Variants in SHISAL2A observed in about 807,000 individuals in gnomAD.
The protein encoded by SHISAL2A is shisa like 2A.
A neutral mutation model predicts 11.5 loss-of-function variants in SHISAL2A; 18 were observed. The observed-to-expected ratio is 1.57, with a 90% CI of 1.08 to 2.33. SHISAL2A has a LOEUF of 2.33. Ranked by LOEUF, SHISAL2A falls within the 30% of genes most tolerant of loss-of-function variation. The pLI is 0.00. For synonymous variants in SHISAL2A, 94 were observed against 99.6 expected (o/e 0.94, Z 0.34); for missense variants, 261 against 250.9 (o/e 1.04, Z -0.27).
chr1:52,640,823 G>A (rs1301309586), intron 1 of SHISAL2A, among the ~76,000 whole-genome samples: 1 of 152,138 alleles, frequency 6.6e-6, no homozygotes, highest in Non-Finnish European at 1.5e-5. Flanking sequence ...ATGACTCATG[G>A]TGGGCTCCTG....
rs1034675448 is a variant in SHISAL2A at position 52,633,193 on chromosome 1, G to T, written c.-301G>T. 1.3e-5 allele frequency among the ~76,000 whole-genome samples: 2 copies of T among 152,026 alleles called. No homozygotes were observed. Among genetic ancestry groups the T allele is most frequent in the African/African-American group, 4.8e-5 (2 of 41,420 alleles). ...AGAGCCAGGCGAGCACGCGGCTCCC[G>T]GCCCAGCTCCCCGCGTCCGCTCCGG... is the stretch of plus-strand genomic sequence containing the variant. On this transcript the variant is annotated 5_prime_UTR_variant, in exon 1 of 3. Coordinates refer to ENST00000517870, the MANE Select transcript of SHISAL2A (RefSeq NM_001042693.3). This position sits in a 1 kb window ranked among gnomAD's most constrained non-coding sequence, Gnocchi z 6.4.
intron 2 of SHISAL2A, among the ~76,000 whole-genome samples, chr1:52,646,492 TACACACACACAC>T (rs35929137): frequency 0.013 from 1,876 of 145,364 alleles, 43 homozygotes; most frequent in African/African-American, 0.046. Context: ...TAAATATCTA[TACACACACACAC>T]ACACACACAC....
rs1020332210 is a variant in SHISAL2A at position 52,667,316 on chromosome 1, C to T, written n.696-83C>T. The T allele has an allele frequency of 7.5e-6, 5 of 667,764 alleles. No individual in the cohort carries two copies. The Admixed American group carries it at 1.9e-4, about 25-fold the overall frequency. The allele number at this position is 667,764 out of a possible 1,614,324, so 41.4% of individuals were successfully genotyped here. ...CACGAGTTCATTCCTCTTTTCCCCT[C>T]AGTAATAGCTCTTGCTGGGAATGTT... On this transcript the variant is annotated intron_variant and non_coding_transcript_variant, in intron 4 of 5. Coordinates refer to the SHISAL2A transcript ENST00000401050.
chr1:52,663,389 C>G (rs987560662), intron 4 of SHISAL2A, among the ~76,000 whole-genome samples: 1 of 152,216 alleles, frequency 6.6e-6, no homozygotes, highest in Admixed American at 6.5e-5. Context: ...TCATTATGCG[C>G]TCCTATCCAC....
intron 2 of SHISAL2A, among the ~76,000 whole-genome samples, chr1:52,643,891 AG>A (rs1691431528): frequency 1.5e-5 from 2 of 137,604 alleles, no homozygotes; most frequent in African/African-American, 5.2e-5. Flanking sequence ...AGAGAGAGAG[AG>A]AGGGAGGGAG....
chr1:52,646,121 T>A (rs1416691184), intron 2 of SHISAL2A, among the ~76,000 whole-genome samples: 2 of 152,218 alleles, frequency 1.3e-5, no homozygotes, highest in Non-Finnish European at 2.9e-5. Context: ...TGTAAACATT[T>A]TTGGTTGTCA....
chr1:52,661,824 G>A (rs924971292), downstream of SHISAL2A, among the ~76,000 whole-genome samples: 4 of 152,150 alleles, frequency 2.6e-5, no homozygotes, highest in African/African-American at 9.7e-5. Flanking sequence ...CTGAGGTCAG[G>A]AGTTCCAGAC....
chr1:52,658,897 A>T (rs1037503057), downstream of SHISAL2A, among the ~76,000 whole-genome samples: 1 of 152,170 alleles, frequency 6.6e-6, no homozygotes, highest in Non-Finnish European at 1.5e-5. Flanking sequence ...ACTCTTAGAT[A>T]CCTGTGCCTG....
Position 52,652,640 on chromosome 1 carries a change from T to C in SHISAL2A, c.323-4150T>C, listed in dbSNP as rs138668108. Among the ~76,000 whole-genome samples the C allele has an allele frequency of 2.0e-3, 301 of 152,134 alleles. 1 individual carries two copies. Among genetic ancestry groups the C allele is most frequent in the African/African-American group, 7.0e-3 (291 of 41,506 alleles). Reference sequence around the variant, plus strand: ...AAATAACAAAGAATCCCAAGGAGTCTATAAAACGTGCACAAAATAACCTGT... The same window carrying C: ...AAATAACAAAGAATCCCAAGGAGTCCATAAAACGTGCACAAAATAACCTGT... On this transcript the variant is annotated intron_variant, in intron 2 of 2. Coordinates refer to ENST00000517870, the MANE Select transcript of SHISAL2A (RefSeq NM_001042693.3).
At position 52,656,788 on chromosome 1, in the gene SHISAL2A, A is replaced by G; in HGVS notation, c.323-2A>G. On this transcript the variant is annotated splice_acceptor_variant, in intron 2 of 2. Transcript: ENST00000517870. LOFTEE classifies it high-confidence loss of function. The stretch of plus-strand genomic sequence containing the variant: ...ACACACCCTCAGTTTGCTGTTTTCC[A>G]GGCCCTGAGGAGGTTTCTCCTGACT... 1.3e-6 allele frequency: 2 copies of G among 1,599,620 alleles called. No individual in the cohort carries two copies. Among genetic ancestry groups the G allele is most frequent in the Non-Finnish European group, 1.7e-6 (2 of 1,171,210 alleles).
chr1:52,660,330 G>A (rs960307750), downstream of SHISAL2A, among the ~76,000 whole-genome samples: 3 of 152,056 alleles, frequency 2.0e-5, no homozygotes, highest in Non-Finnish European at 2.9e-5. Flanking sequence ...CCCCCCAACA[G>A]CTCCTCTCCT....
At chr1:52,667,141 G>C (rs78014985) in intron 4 of SHISAL2A, among the ~76,000 whole-genome samples, 2,174 of 152,302 alleles carry the variant, frequency 0.014, 27 homozygotes, top group Middle Eastern at 0.041. Flanking sequence ...TCCACTATAG[G>C]CTTCACCAAT....
Position 52,650,737 on chromosome 1 carries a change from C to T in SHISAL2A, c.323-6053C>T, listed in dbSNP as rs562451725. On this transcript the variant is annotated intron_variant, in intron 2 of 2. Coordinates refer to ENST00000517870, the MANE Select transcript of SHISAL2A (RefSeq NM_001042693.3). ...TTGGCTCACTGCAACCTTCGCCTCC[C>T]GGGTTCAAGCAATTCTCCTGCCTCA... Among the ~76,000 whole-genome samples the T allele has an allele frequency of 3.3e-5, 5 of 150,530 alleles. No individual in the cohort carries two copies. In the South Asian group the frequency reaches 6.4e-4, roughly 19 times the overall value.
chr1:52,659,728 G>A (rs911325370), downstream of SHISAL2A: 3 of 152,246 alleles, frequency 2.0e-5, no homozygotes, highest in African/African-American at 7.2e-5. Flanking sequence ...GGTGATATTG[G>A]GATGTTTAGT....
At chr1:52,651,473 G>A (rs1013331451) in intron 2 of SHISAL2A, among the ~76,000 whole-genome samples, 32 of 151,842 alleles carry the variant, frequency 2.1e-4, no homozygotes, top group Admixed American at 1.0e-3. Flanking sequence ...TCCTGACCTC[G>A]TGATCCACCC....
chr1:52,644,616 C>T (rs1231314822), intron 2 of SHISAL2A, among the ~76,000 whole-genome samples: 3 of 152,076 alleles, frequency 2.0e-5, no homozygotes, highest in African/African-American at 4.8e-5. Context: ...CCCAGCTACT[C>T]GGGAGGCTGA....
At chr1:52,652,738 G>A (rs1402280136) in intron 2 of SHISAL2A, among the ~76,000 whole-genome samples, 1 of 151,954 alleles carries the variant, frequency 6.6e-6, no homozygotes, top group African/African-American at 2.4e-5. Context: ...GGCCCAGGAG[G>A]GTGGATCATG....
chr1:52,659,426 G>T, downstream of SHISAL2A: 1 of 153,242 alleles, frequency 6.5e-6, no homozygotes, highest in Non-Finnish European at 1.5e-5. Flanking sequence ...CCACAAACAA[G>T]AGGAATCAGA....
chr1:52,663,149 C>T (rs1032376178), intron 4 of SHISAL2A, among the ~76,000 whole-genome samples: 2 of 152,276 alleles, frequency 1.3e-5, no homozygotes, highest in East Asian at 3.9e-4. Context: ...TTCTCCATCT[C>T]TCTTAGCTCT....
Sources: allele counts gnomAD v4.1 joint callset (sites outside exome capture counted in the v4.1 genomes callset), GRCh38; gene constraint gnomAD v4.1.1; non-coding constraint Gnocchi (gnomAD v3.1); transcripts MANE v1.5; gene names NCBI Gene and HGNC (gene_info 2026-07-23, HGNC 2026-07-21).